Variants in JMJD1C observed in about 807,000 individuals in gnomAD.
The protein encoded by JMJD1C is jumonji domain containing 1C.
In JMJD1C, 31 loss-of-function variants were observed where a neutral mutation model predicts 245.3. The observed-to-expected ratio is 0.13, with a 90% CI of 0.09 to 0.17. The LOEUF (loss-of-function observed/expected upper bound fraction) is 0.17. Ranked by LOEUF, JMJD1C falls within the 10% of genes least tolerant of loss-of-function variation. The pLI is 1.00. For synonymous variants in JMJD1C, 1,057 were observed against 1,017.4 expected (o/e 1.04, Z -0.74); for missense variants, 2,691 against 3,000.2 (o/e 0.90, Z 2.41).
chr10:63,209,226 T>G lies in JMJD1C; in HGVS notation c.2704A>C (p.Ser902Arg), dbSNP rs1847025754. The stretch of plus-strand genomic sequence containing the variant: ...GGGGTGGGCTGATGTAGCCAAGGAC[T>G]GGGAGAATTCTATTAACAAAACAAA... ...AEASLRRNSP[S>R]PWLHQPTPVT... The change falls in exon 9 of 26, where the codon AGT becomes CGT. Residue 902 changes from serine to arginine, a missense_variant. Ser to Arg is a moderately radical substitution (Grantham distance 110). Transcript: ENST00000399262. 6.3e-7 allele frequency: 1 copy of G among 1,599,416 alleles called. No individual in the cohort carries two copies. The highest frequency in any genetic ancestry group is 8.5e-7 in the Non-Finnish European group (1 of 1,174,634).
chr10:63,305,379 A>AAAAAC (rs1243211330), intron 2 of JMJD1C, among the ~76,000 whole-genome samples: 1 of 80,140 alleles, frequency 1.2e-5, no homozygotes, highest in Non-Finnish European at 3.9e-5. Context: ...AAAAAAAACA[A>AAAAAC]AAAACAAAAA....
chr10:63,369,765 C>T (rs972659417), intron 2 of JMJD1C, among the ~76,000 whole-genome samples: 1 of 152,150 alleles, frequency 6.6e-6, no homozygotes, highest in African/African-American at 2.4e-5. Flanking sequence ...AAAAAGATGC[C>T]TGGGCTTCCA....
At chr10:63,242,658 G>A (rs999345091) in intron 3 of JMJD1C, among the ~76,000 whole-genome samples, 7 of 152,156 alleles carry the variant, frequency 4.6e-5, no homozygotes, top group African/African-American at 1.7e-4. Flanking sequence ...CCCAGGACGC[G>A]GAGGTTGCAG....
At chr10:63,381,440 G>T (rs192038262) in intron 1 of JMJD1C, among the ~76,000 whole-genome samples, 79 of 152,296 alleles carry the variant, frequency 5.2e-4, no homozygotes, top group African/African-American at 1.9e-3. Context: ...TTGAGCCCAG[G>T]AATTTGAGGC....
In JMJD1C at chr10:63,264,757, T is replaced by G; in HGVS notation, c.341A>C (p.Lys114Thr). The G allele has an allele frequency of 6.5e-7, 1 of 1,546,946 alleles. No individual in the cohort carries two copies. The highest frequency in any genetic ancestry group is 8.8e-7 in the Non-Finnish European group (1 of 1,139,342). ...GGGTATATTTCTTTCAACCAGAGGT[T>G]TGAAAGTCTGCCAAGAAAAAAAAAA... ...KQIQWPALTF[K>T]PLVERNIPSS... Residue 114 changes from lysine to threonine, a missense_variant, in exon 3 of 26, where the codon AAA becomes ACA. Transcript: ENST00000399262.
At chr10:63,294,496 G>A (rs1472864199) in intron 2 of JMJD1C, among the ~76,000 whole-genome samples, 1 of 152,060 alleles carries the variant, frequency 6.6e-6, no homozygotes, top group African/African-American at 2.4e-5. Flanking sequence ...ATGCTGGCCA[G>A]GATGGTCTCC....
At chr10:63,474,545 G>A (rs1482602231) in intron 1 of JMJD1C, among the ~76,000 whole-genome samples, 3 of 151,884 alleles carry the variant, frequency 2.0e-5, no homozygotes, top group African/African-American at 7.3e-5. Flanking sequence ...CCACCTCCCG[G>A]GCTCAAGCAA....
chr10:63,314,578 CAATT>C (rs1001358053), intron 2 of JMJD1C, among the ~76,000 whole-genome samples: 6 of 152,032 alleles, frequency 3.9e-5, no homozygotes, highest in African/African-American at 1.2e-4. Flanking sequence ...ATTTTCCAAA[CAATT>C]AATCATTTAT....
chr10:63,490,468 T>C (rs1304326119), intron 1 of JMJD1C, among the ~76,000 whole-genome samples: 1 of 151,068 alleles, frequency 6.6e-6, no homozygotes, highest in Non-Finnish European at 1.5e-5. Context: ...CAGGCTGGAG[T>C]GCAGTGGTGC....
At chr10:63,249,985 C>A (rs1035504328) in intron 3 of JMJD1C, among the ~76,000 whole-genome samples, 2 of 152,042 alleles carry the variant, frequency 1.3e-5, no homozygotes, top group African/African-American at 4.8e-5. Flanking sequence ...CCCCCCAATA[C>A]ATGTACATCT....
chr10:63,247,827 T>C (rs1852448645), intron 3 of JMJD1C, among the ~76,000 whole-genome samples: 1 of 131,220 alleles, frequency 7.6e-6, no homozygotes, highest in African/African-American at 2.6e-5. Flanking sequence ...ATATGAATCA[T>C]ACTCAAATGC....
intron 3 of JMJD1C, among the ~76,000 whole-genome samples, chr10:63,251,840 C>T (rs1853130629): frequency 1.3e-5 from 2 of 152,060 alleles, no homozygotes; most frequent in South Asian, 2.1e-4. Context: ...GGTAAAACCC[C>T]GCCTCTACTA....
At chr10:63,237,692 T>C (rs1478361979) in intron 3 of JMJD1C, among the ~76,000 whole-genome samples, 4 of 152,142 alleles carry the variant, frequency 2.6e-5, no homozygotes, top group African/African-American at 9.7e-5. Context: ...TTCAGATTTT[T>C]AAAAATTCTG....
At chr10:63,355,490 C>T (rs1239091401) in intron 2 of JMJD1C, among the ~76,000 whole-genome samples, 3 of 152,036 alleles carry the variant, frequency 2.0e-5, no homozygotes, top group Non-Finnish European at 4.4e-5. Context: ...CACAAGGATC[C>T]CTATTGCCTT....
At chr10:63,381,220 T>A (rs1170301527) in intron 1 of JMJD1C, among the ~76,000 whole-genome samples, 1 of 152,152 alleles carries the variant, frequency 6.6e-6, no homozygotes, top group Non-Finnish European at 1.5e-5. Flanking sequence ...AAAACATGGA[T>A]CTTGACCCAG....
intron 4 of JMJD1C, among the ~76,000 whole-genome samples, chr10:63,219,145 C>T (rs1349032471): frequency 6.6e-6 from 1 of 151,994 alleles, no homozygotes; most frequent in Non-Finnish European, 1.5e-5. Context: ...AATATTTAGC[C>T]TAGGAAGAAT....
Position 63,391,379 on chromosome 10 carries a change from G to A in JMJD1C, c.169-10897C>T, listed in dbSNP as rs111697829. Among the ~76,000 whole-genome samples, 474 of 152,050 alleles carry A rather than the reference G, an allele frequency of 3.1e-3. 3 individuals carry two copies. The highest frequency in any genetic ancestry group is 0.01 in the African/African-American group (431 of 41,434). Reference sequence around the variant, plus strand: ...CAAAAAATTAGCTGGGCATGGTGGCGGGTGCCTGTAGTCCCAGCCACTTGG... The same window carrying A: ...CAAAAAATTAGCTGGGCATGGTGGCAGGTGCCTGTAGTCCCAGCCACTTGG... On this transcript the variant is annotated intron_variant, in intron 1 of 25. Transcript: ENST00000399262.
chr10:63,480,742 T>C (rs953856780), intron 1 of JMJD1C, among the ~76,000 whole-genome samples: 1 of 150,724 alleles, frequency 6.6e-6, no homozygotes, highest in Non-Finnish European at 1.5e-5. Flanking sequence ...GCTACATTGC[T>C]GTTATATCAC....
At chr10:63,170,539 CAG>C (rs936828564) in intron 24 of JMJD1C, among the ~76,000 whole-genome samples, 2 of 152,246 alleles carry the variant, frequency 1.3e-5, no homozygotes, top group African/African-American at 4.8e-5. Context: ...AGTTACCTAA[CAG>C]AGATTTCCTT....
Sources: allele counts gnomAD v4.1 joint callset (sites outside exome capture counted in the v4.1 genomes callset), GRCh38; gene constraint gnomAD v4.1.1; transcripts MANE v1.5; gene names NCBI Gene and HGNC (gene_info 2026-07-23, HGNC 2026-07-21).